Variants in CFAP96 observed in about 807,000 individuals in gnomAD.
The protein encoded by CFAP96 is cilia-and flagella-associated protein 96.
the CFAP96 span, among the ~76,000 whole-genome samples, chr4:185,431,350 AAG>A: frequency 1.3e-5 from 2 of 152,218 alleles, no homozygotes; most frequent in African/African-American, 4.8e-5. Context: ...TAAATTATGA[AAG>A]AAGTTCTAAA....
the CFAP96 span, chr4:185,431,999 G>A: frequency 6.4e-7 from 1 of 1,551,442 alleles, no homozygotes; most frequent in Non-Finnish European, 8.7e-7. Context: ...TAATGAGGCT[G>A]CAAGCAAAAA....
the CFAP96 span, among the ~76,000 whole-genome samples, chr4:185,448,002 G>GT: frequency 6.6e-6 from 1 of 152,096 alleles, no homozygotes; most frequent in Non-Finnish European, 1.5e-5. Context: ...GAAAGAACAG[G>GT]TTTTGGAAAT....
chr4:185,431,718 A>G, the CFAP96 span, among the ~76,000 whole-genome samples: 1 of 152,202 alleles, frequency 6.6e-6, no homozygotes, highest in Admixed American at 6.5e-5. Context: ...ATTGAATTAG[A>G]TCATTTTAAG....
At chr4:185,447,433 G>A in the CFAP96 span, among the ~76,000 whole-genome samples, 1 of 152,136 alleles carries the variant, frequency 6.6e-6, no homozygotes, top group African/African-American at 2.4e-5. Context: ...ACCCACCTTG[G>A]CCTCCCAAAG....
chr4:185,442,612 G>A, the CFAP96 span, among the ~76,000 whole-genome samples: 1 of 152,036 alleles, frequency 6.6e-6, no homozygotes, highest in African/African-American at 2.4e-5. Flanking sequence ...TCATATATAT[G>A]TATTTTTTTA....
the CFAP96 span, among the ~76,000 whole-genome samples, chr4:185,432,634 A>T: frequency 6.6e-6 from 1 of 152,086 alleles, no homozygotes; most frequent in East Asian, 1.9e-4. Flanking sequence ...AGGCCGAGCT[A>T]GGAGGAATGC....
At chr4:185,413,901 G>GAAAAAA in the CFAP96 span, 1 of 1,551,286 alleles carries the variant, frequency 6.4e-7, no homozygotes, top group Non-Finnish European at 8.7e-7. Flanking sequence ...AACAGAAAAA[G>GAAAAAA]AAAAAATGTT....
At chr4:185,429,879 C>G in the CFAP96 span, among the ~76,000 whole-genome samples, 1 of 152,074 alleles carries the variant, frequency 6.6e-6, no homozygotes, top group South Asian at 2.1e-4. Flanking sequence ...CTATGTTGCC[C>G]AGGCTGGTCT....
At chr4:185,412,864 C>T in the CFAP96 span, among the ~76,000 whole-genome samples, 4 of 152,112 alleles carry the variant, frequency 2.6e-5, no homozygotes, top group African/African-American at 9.7e-5. Flanking sequence ...CTTATAAGGT[C>T]CTTTCTCACT....
the CFAP96 span, chr4:185,436,364 A>C: frequency 2.0e-6 from 3 of 1,534,294 alleles, no homozygotes; most frequent in Non-Finnish European, 2.7e-6. Flanking sequence ...TATAAGGTAA[A>C]AAATCTGTTT....
At chr4:185,432,020 C>G in the CFAP96 span, 1 of 1,551,582 alleles carries the variant, frequency 6.4e-7, no homozygotes, top group East Asian at 2.4e-5. Flanking sequence ...TAAACAGATG[C>G]TACCTGGAGG....
At chr4:185,429,007 AAAG>A in the CFAP96 span, among the ~76,000 whole-genome samples, 2 of 152,240 alleles carry the variant, frequency 1.3e-5, no homozygotes, top group South Asian at 2.1e-4. Flanking sequence ...GAACTTCTCA[AAAG>A]AAGGATTTGT....
the CFAP96 span, chr4:185,422,343 G>GT: frequency 6.0e-6 from 4 of 670,734 alleles, no homozygotes; most frequent in Non-Finnish European, 1.0e-5. Flanking sequence ...GTGTCTAAGT[G>GT]TAAGTCCCAT....
At chr4:185,418,319 C>A in the CFAP96 span, 2 of 713,022 alleles carry the variant, frequency 2.8e-6, no homozygotes, top group South Asian at 2.5e-5. Flanking sequence ...GTCATTTAAT[C>A]TTTTTGGACA....
At chr4:185,421,314 C>A in the CFAP96 span, among the ~76,000 whole-genome samples, 1 of 152,206 alleles carries the variant, frequency 6.6e-6, no homozygotes, top group African/African-American at 2.4e-5. Context: ...TCAAGGAATG[C>A]TGGTATCTGA....
chr4:185,429,560 A>G, the CFAP96 span: 2 of 1,018,132 alleles, frequency 2.0e-6, no homozygotes, highest in Admixed American at 6.6e-5. Flanking sequence ...TATTTTCTAT[A>G]TAAAATTTAG....
chr4:185,443,342 A>ATATATATATTTTTTTTTTTTTTTTT, the CFAP96 span, among the ~76,000 whole-genome samples: 1 of 26,730 alleles, frequency 3.7e-5, no homozygotes, highest in Non-Finnish European at 7.4e-5. Context: ...ATATATATAT[A>ATATATATATTTTTTTTTTTTTTTTT]TTTTTTTTTT....
chr4:185,415,075 T>G, the CFAP96 span: 1 of 1,190,418 alleles, frequency 8.4e-7, no homozygotes, highest in Non-Finnish European at 1.2e-6. Context: ...ATACCTTCCA[T>G]TTAGTGGAAA....
the CFAP96 span, among the ~76,000 whole-genome samples, chr4:185,423,134 C>T: frequency 6.6e-6 from 1 of 152,208 alleles, no homozygotes; most frequent in Non-Finnish European, 1.5e-5. Context: ...GCTGGGATTG[C>T]AGGCGTGAGC....
Sources: allele counts gnomAD v4.1 joint callset (sites outside exome capture counted in the v4.1 genomes callset), GRCh38; gene constraint gnomAD v4.1.1; transcripts MANE v1.5; gene names NCBI Gene and HGNC (gene_info 2026-07-23, HGNC 2026-07-21).